Variants in LSAMP observed in about 807,000 individuals in gnomAD.
LSAMP encodes the protein limbic system associated membrane protein, also known as limbic system-associated membrane protein.
LSAMP carries 7 observed loss-of-function variants against 38.6 expected under a neutral mutation model. The ratio of observed to expected loss-of-function variants is 0.18; its 90% CI spans 0.10 to 0.34. The LOEUF (loss-of-function observed/expected upper bound fraction) is 0.34. Among genes scored for constraint, LSAMP ranks in the 10% least tolerant of loss-of-function variants. The pLI is 1.00. For missense variants in LSAMP, 313 were observed against 420.0 expected, an observed-to-expected ratio of 0.75 and a Z score of 2.23; for synonymous variants, 154 against 166.8, an observed-to-expected ratio of 0.92 and a Z score of 0.59.
Position 115,930,002 on chromosome 3 carries a change from G to GTTTTTTTTTTTTTTTTTTTTT in LSAMP, c.515-77406_515-77386dup, listed in dbSNP as rs1170325465. On this transcript the variant is annotated intron_variant, in intron 3 of 6. Coordinates refer to ENST00000490035, the MANE Select transcript of LSAMP (RefSeq NM_002338.5). ...ATCCAGATCTATAAATTTAGCAGAA[G>GTTTTTTTTTTTTTTTTTTTTT]TTTTTTTTTTTTTTTTTTTTTTTTG... Among the ~76,000 whole-genome samples, 5 of 80,292 alleles carry GTTTTTTTTTTTTTTTTTTTTT rather than the reference G, an allele frequency of 6.2e-5. 1 individual carries two copies. Among genetic ancestry groups the GTTTTTTTTTTTTTTTTTTTTT allele is most frequent in the African/African-American group, 2.4e-4 (5 of 21,032 alleles). The allele number at this position is 80,292 out of a possible 152,430, so 52.7% of individuals were successfully genotyped here.
intron 1 of LSAMP, among the ~76,000 whole-genome samples, chr3:116,377,138 C>T (rs1046930464): frequency 1.3e-5 from 2 of 151,836 alleles, no homozygotes; most frequent in East Asian, 1.9e-4. Flanking sequence ...AAGGTAAATG[C>T]GTGCCATGGT....
intron 3 of LSAMP, among the ~76,000 whole-genome samples, chr3:115,911,723 G>C (rs1015306431): frequency 5.3e-5 from 8 of 152,190 alleles, no homozygotes; most frequent in Admixed American, 2.6e-4. Flanking sequence ...GGAGCATATA[G>C]TAGCTGTATG....
intron 1 of LSAMP, among the ~76,000 whole-genome samples, chr3:116,312,930 C>G (rs1057194557): frequency 6.6e-6 from 1 of 150,842 alleles, no homozygotes; most frequent in Non-Finnish European, 1.5e-5. Context: ...TGACATTGCT[C>G]TCCAACAAAA....
intron 3 of LSAMP, among the ~76,000 whole-genome samples, chr3:115,977,206 C>T (rs1249588901): frequency 6.6e-6 from 1 of 152,108 alleles, no homozygotes; most frequent in African/African-American, 2.4e-5. Flanking sequence ...CAGTATGGCC[C>T]AGACTAGCAT....
intron 1 of LSAMP, among the ~76,000 whole-genome samples, chr3:116,325,248 C>G (rs1450982521): frequency 6.6e-6 from 1 of 151,984 alleles, no homozygotes; most frequent in East Asian, 1.9e-4. Context: ...TCAAGCAATC[C>G]TCCTGCCTCA....
intron 1 of LSAMP, among the ~76,000 whole-genome samples, chr3:116,294,237 G>T (rs2047301759): frequency 6.6e-6 from 1 of 152,090 alleles, no homozygotes; most frequent in African/African-American, 2.4e-5. Context: ...TTCACATGAA[G>T]ATTGTCAACT....
intron 1 of LSAMP, among the ~76,000 whole-genome samples, chr3:116,434,013 T>C (rs2049313889): frequency 6.6e-6 from 1 of 152,204 alleles, no homozygotes; most frequent in South Asian, 2.1e-4. Flanking sequence ...ATAAAATTCC[T>C]GAAAAGAATA....
At chr3:116,394,598 G>T (rs1048950067) in intron 1 of LSAMP, among the ~76,000 whole-genome samples, 1 of 152,090 alleles carries the variant, frequency 6.6e-6, no homozygotes, top group African/African-American at 2.4e-5. Context: ...CCCTCATTAT[G>T]CTCACTTTCC....
intron 2 of LSAMP, among the ~76,000 whole-genome samples, chr3:116,024,978 A>G (rs1940745237): frequency 6.6e-6 from 1 of 151,952 alleles, no homozygotes; most frequent in South Asian, 2.1e-4. Context: ...AAAAAGTGGT[A>G]GAGATGGTAT....
At chr3:116,405,528 G>T (rs2048887453) in intron 1 of LSAMP, among the ~76,000 whole-genome samples, 1 of 151,962 alleles carries the variant, frequency 6.6e-6, no homozygotes. Flanking sequence ...ACGATAAATA[G>T]TTAAAGAGGA....
At chr3:116,222,186 G>T (rs528633718) in intron 1 of LSAMP, among the ~76,000 whole-genome samples, 112 of 151,164 alleles carry the variant, frequency 7.4e-4, no homozygotes, top group African/African-American at 2.7e-3. Context: ...TCTGGGCGTG[G>T]TTCTTCATGT....
chr3:116,408,544 T>C (rs552855605), intron 1 of LSAMP, among the ~76,000 whole-genome samples: 1 of 152,192 alleles, frequency 6.6e-6, no homozygotes, highest in South Asian at 2.1e-4. Context: ...AATCTTTCAA[T>C]TTACACTCAA....
At chr3:115,974,322 C>T (rs929065311) in intron 3 of LSAMP, among the ~76,000 whole-genome samples, 7 of 151,046 alleles carry the variant, frequency 4.6e-5, no homozygotes, top group South Asian at 2.1e-4. Context: ...CCAGCCTAGG[C>T]GACAGAGCTA....
intron 1 of LSAMP, among the ~76,000 whole-genome samples, chr3:116,428,395 T>C (rs1327224809): frequency 1.3e-5 from 2 of 152,064 alleles, no homozygotes; most frequent in Non-Finnish European, 2.9e-5. Context: ...GAGGGGGCGG[T>C]TGCAGTAAGC....
chr3:116,222,314 A>G (rs2046295176), intron 1 of LSAMP, among the ~76,000 whole-genome samples: 2 of 150,386 alleles, frequency 1.3e-5, no homozygotes, highest in African/African-American at 4.9e-5. Flanking sequence ...TTTAATGCCC[A>G]CAGTGCTGCA....
intron 1 of LSAMP, among the ~76,000 whole-genome samples, chr3:116,209,096 C>T (rs1386583418): frequency 2.0e-5 from 3 of 152,218 alleles, no homozygotes; most frequent in South Asian, 2.1e-4. Flanking sequence ...GGGATATAAT[C>T]TCGTGGTGTG....
chr3:116,162,676 TTC>T (rs140973794), intron 1 of LSAMP, among the ~76,000 whole-genome samples: 10,496 of 148,042 alleles, frequency 0.071, 438 homozygotes, highest in Middle Eastern at 0.16. Flanking sequence ...TCTTCACTGG[TTC>T]TCTCTCTCTC....
At chr3:115,974,487 T>C (rs1259860817) in intron 3 of LSAMP, among the ~76,000 whole-genome samples, 3 of 151,814 alleles carry the variant, frequency 2.0e-5, no homozygotes, top group African/African-American at 7.3e-5. Context: ...CCAGAAAAAA[T>C]GGTGGATCAC....
chr3:116,070,534 G>T (rs1402035062), intron 2 of LSAMP, among the ~76,000 whole-genome samples: 1 of 152,080 alleles, frequency 6.6e-6, no homozygotes, highest in Admixed American at 6.6e-5. Context: ...GTCAGTAAAT[G>T]GTTAAAGGAG....
Sources: allele counts gnomAD v4.1 joint callset (sites outside exome capture counted in the v4.1 genomes callset), GRCh38; gene constraint gnomAD v4.1.1; transcripts MANE v1.5; gene names NCBI Gene and HGNC (gene_info 2026-07-23, HGNC 2026-07-21).